WDR70: variants seen among roughly 807,000 people sequenced by gnomAD.
WDR70 encodes WD repeat-containing protein 70.
Under a neutral mutation model 88.6 loss-of-function variants are expected in WDR70, and 53 were observed. The observed-to-expected ratio is 0.60, with a 90% CI of 0.48 to 0.75. The LOEUF (loss-of-function observed/expected upper bound fraction) is 0.75, where lower values mean the gene tolerates loss of function less well. Ranked by LOEUF, WDR70 falls within the 30% of genes least tolerant of loss-of-function variation. The pLI, the probability that WDR70 is intolerant of heterozygous loss-of-function variation, is 0.00. For synonymous variants in WDR70, 280 were observed against 270.0 expected (o/e 1.04, Z -0.36); for missense variants, 610 against 823.2 (o/e 0.74, Z 3.17).
intron 17 of WDR70, among the ~76,000 whole-genome samples, chr5:37,751,339 A>G (rs1748801120): frequency 6.6e-6 from 1 of 152,228 alleles, no homozygotes; most frequent in Non-Finnish European, 1.5e-5. Flanking sequence ...TAAAGTGACA[A>G]CAAGAAGTTT....
Position 37,601,480 on chromosome 5 carries a change from T to G in WDR70, c.918-3584T>G, listed in dbSNP as rs549610936. Among the ~76,000 whole-genome samples, 14 of 152,354 alleles carry G rather than the reference T, an allele frequency of 9.2e-5. No homozygotes were observed. In the East Asian group the frequency reaches 2.7e-3, roughly 29 times the overall value. On this transcript the variant is annotated intron_variant, in intron 9 of 17. Transcript: ENST00000265107. ...TTCACTAGGGATATTGTTCTGTAGCTTTCTTTTTTATAGTATCCTTGTCTG... is the reference window on the plus strand; with the variant it reads ...TTCACTAGGGATATTGTTCTGTAGCGTTCTTTTTTATAGTATCCTTGTCTG...
At chr5:37,462,464 G>A (rs1269008007) in intron 7 of WDR70, among the ~76,000 whole-genome samples, 1 of 152,056 alleles carries the variant, frequency 6.6e-6, no homozygotes, top group Admixed American at 6.5e-5. Flanking sequence ...CATGACGCCT[G>A]GCTAATTTTT....
chr5:37,432,718 T>C (rs543069693), intron 5 of WDR70, among the ~76,000 whole-genome samples: 1 of 152,168 alleles, frequency 6.6e-6, no homozygotes, highest in Non-Finnish European at 1.5e-5. Flanking sequence ...CGCCCGGCCT[T>C]TCTGGCTAAC....
intron 10 of WDR70, among the ~76,000 whole-genome samples, chr5:37,618,790 G>A (rs935892837): frequency 6.6e-6 from 1 of 152,134 alleles, no homozygotes; most frequent in Non-Finnish European, 1.5e-5. Context: ...CATTATTCAA[G>A]TTACATTTTT....
intron 10 of WDR70, among the ~76,000 whole-genome samples, 187 bp from the exon 11 acceptor site, chr5:37,697,468 A>G (rs1747014101): frequency 6.6e-6 from 1 of 152,248 alleles, no homozygotes; most frequent in South Asian, 2.1e-4. Flanking sequence ...ATTAAAGCAA[A>G]TGGATATTTT....
intron 17 of WDR70, among the ~76,000 whole-genome samples, chr5:37,750,116 A>G (rs1748762024): frequency 6.6e-6 from 1 of 152,202 alleles, no homozygotes; most frequent in Non-Finnish European, 1.5e-5. Context: ...GAACATTTCC[A>G]TCCCACCAAA....
At chr5:37,554,644 A>G (rs1167085603) in intron 9 of WDR70, among the ~76,000 whole-genome samples, 1 of 149,872 alleles carries the variant, frequency 6.7e-6, no homozygotes, top group Non-Finnish European at 1.5e-5. Context: ...ACAGACACAC[A>G]CACACACATA....
chr5:37,668,362 A>C (rs1053179385), intron 10 of WDR70, among the ~76,000 whole-genome samples: 1 of 152,214 alleles, frequency 6.6e-6, no homozygotes, highest in Non-Finnish European at 1.5e-5. Context: ...AAGATTATAA[A>C]TTAGAGTCTC....
At chr5:37,592,230 G>A (rs950887131) in intron 9 of WDR70, among the ~76,000 whole-genome samples, 11 of 152,078 alleles carry the variant, frequency 7.2e-5, no homozygotes, top group African/African-American at 2.7e-4. Flanking sequence ...ATAGCCTGAA[G>A]GTAATTTTAT....
chr5:37,568,181 AC>A (rs1439165310), intron 9 of WDR70, among the ~76,000 whole-genome samples: 2 of 152,154 alleles, frequency 1.3e-5, no homozygotes, highest in African/African-American at 2.4e-5. Context: ...TTCTTGTGGT[AC>A]AGGGGTGTAG....
At chr5:37,644,010 C>T (rs925491819) in intron 10 of WDR70, among the ~76,000 whole-genome samples, 1 of 151,892 alleles carries the variant, frequency 6.6e-6, no homozygotes, top group Non-Finnish European at 1.5e-5. Context: ...AGTTAGACTT[C>T]CAGTATTACA....
intron 9 of WDR70, among the ~76,000 whole-genome samples, chr5:37,557,959 T>TTTGAAAACTCTTCAAC: frequency 6.8e-6 from 1 of 146,506 alleles, no homozygotes; most frequent in Non-Finnish European, 1.5e-5. Flanking sequence ...AAAAGAGTAT[T>TTTGAAAACTCTTCAAC]ATGTATATTT....
At chr5:37,627,148 G>C (rs1744692021) in intron 10 of WDR70, among the ~76,000 whole-genome samples, 1 of 152,024 alleles carries the variant, frequency 6.6e-6, no homozygotes, top group East Asian at 1.9e-4. Flanking sequence ...GAGTGCAGTG[G>C]CTTGATCTTG....
At chr5:37,639,090 A>G (rs1189074128) in intron 10 of WDR70, among the ~76,000 whole-genome samples, 1 of 152,226 alleles carries the variant, frequency 6.6e-6, no homozygotes. Context: ...ACCCAGAGTG[A>G]GTATTTATGT....
chr5:37,464,129 T>C (rs7725018), intron 7 of WDR70, among the ~76,000 whole-genome samples: 131,412 of 152,192 alleles, frequency 0.86, 59,958 homozygotes, highest in East Asian at 1. Context: ...TTTTCATTTC[T>C]GTTTTAAAAT....
intron 11 of WDR70, among the ~76,000 whole-genome samples, chr5:37,699,402 TACAC>T (rs70978839): frequency 4.9e-4 from 35 of 70,802 alleles, no homozygotes; most frequent in African/African-American, 2.4e-3. Flanking sequence ...TATATATATA[TACAC>T]ACACACACAC....
chr5:37,675,053 G>A (rs1034288106), intron 10 of WDR70, among the ~76,000 whole-genome samples: 38 of 151,666 alleles, frequency 2.5e-4, no homozygotes, highest in Admixed American at 1.2e-3. Flanking sequence ...GTCTGTTCAT[G>A]TCCTTCGCCC....
At chr5:37,587,898 G>A (rs1185830603) in intron 9 of WDR70, among the ~76,000 whole-genome samples, 1 of 150,852 alleles carries the variant, frequency 6.6e-6, no homozygotes, top group Non-Finnish European at 1.5e-5. Context: ...TCGTGCCTCA[G>A]TCTCCCAAGT....
chr5:37,678,554 T>C (rs1254539186), intron 10 of WDR70, among the ~76,000 whole-genome samples: 1 of 152,208 alleles, frequency 6.6e-6, no homozygotes, highest in Non-Finnish European at 1.5e-5. Context: ...ATGTTGAATA[T>C]TGGCCCCCAC....
Sources: gnomAD v4.1 joint callset for allele counts (sites outside exome capture counted in the v4.1 genomes callset) on GRCh38, gnomAD v4.1.1 for gene constraint, MANE v1.5 for transcripts, NCBI Gene and HGNC (gene_info 2026-07-23, HGNC 2026-07-21) for gene names.